Variants in CNTNAP2 observed in about 807,000 individuals in gnomAD.
The protein encoded by CNTNAP2 is contactin associated protein 2.
A neutral mutation model predicts 155.2 loss-of-function variants in CNTNAP2; 98 were observed. That is an observed-to-expected ratio of 0.63 (90% CI 0.54 to 0.75). The LOEUF is 0.75. Among genes scored for constraint, CNTNAP2 ranks in the 30% least tolerant of loss-of-function variants. The pLI is 0.00. For missense variants in CNTNAP2, 1,727 were observed against 1,688.1 expected (o/e 1.02, Z -0.40); for synonymous variants, 651 against 631.2 (o/e 1.03, Z -0.47).
intron 8 of CNTNAP2, among the ~76,000 whole-genome samples, chr7:147,201,092 A>G (rs554254178): frequency 6.6e-6 from 1 of 152,322 alleles, no homozygotes; most frequent in South Asian, 2.1e-4. Context: ...TAATTCTAAC[A>G]TGATTTCAGT....
chr7:147,195,971 A>T (rs898121073), intron 8 of CNTNAP2, among the ~76,000 whole-genome samples: 13 of 152,176 alleles, frequency 8.5e-5, no homozygotes, highest in African/African-American at 3.1e-4. Flanking sequence ...AGATTCTTTA[A>T]AGAGGTAATT....
intron 1 of CNTNAP2, among the ~76,000 whole-genome samples, chr7:146,194,801 G>A (rs549649708): frequency 2.6e-5 from 4 of 152,252 alleles, no homozygotes; most frequent in African/African-American, 9.6e-5. Context: ...ACCACAATCT[G>A]CTGTCTTTTC....
intron 21 of CNTNAP2, among the ~76,000 whole-genome samples, chr7:148,356,075 A>T (rs552491343): frequency 8.5e-5 from 13 of 152,246 alleles, no homozygotes; most frequent in Non-Finnish European, 1.6e-4. Context: ...ACACACACAT[A>T]GACTATAATG....
intron 8 of CNTNAP2, among the ~76,000 whole-genome samples, chr7:147,285,969 G>C (rs1180632583): frequency 6.6e-6 from 1 of 151,926 alleles, no homozygotes; most frequent in South Asian, 2.1e-4. Context: ...ACTCTGATTT[G>C]TAAAATATAG....
At chr7:148,316,842 A>T (rs1797698329) in intron 21 of CNTNAP2, among the ~76,000 whole-genome samples, 1 of 152,232 alleles carries the variant, frequency 6.6e-6, no homozygotes, top group South Asian at 2.1e-4. Flanking sequence ...TTAAAGACTC[A>T]GCGAGAAAAG....
intron 11 of CNTNAP2, among the ~76,000 whole-genome samples, chr7:147,533,150 C>A (rs189059323): frequency 3.9e-5 from 6 of 152,234 alleles, no homozygotes; most frequent in Admixed American, 3.9e-4. Flanking sequence ...AGCTGGAATT[C>A]AGTTTCTGTT....
rs10247303 is a variant in CNTNAP2 at position 147,028,282 on chromosome 7, A to G, written c.403-15625A>G. Among the ~76,000 whole-genome samples, 210 of 152,358 alleles carry G rather than the reference A, an allele frequency of 1.4e-3. 1 individual carries two copies. Among genetic ancestry groups the G allele is most frequent in the African/African-American group, 4.9e-3 (202 of 41,584 alleles). On this transcript the variant is annotated intron_variant, in intron 3 of 23. Coordinates refer to ENST00000361727, the MANE Select transcript of CNTNAP2 (RefSeq NM_014141.6). ...AGAAGAGAGATGGAAATGAGCTTCT[A>G]TCCTTGAAAGTTTGGATATGAAATT... is the stretch of plus-strand genomic sequence containing the variant.
chr7:146,993,573 C>G (rs1798249559), intron 3 of CNTNAP2, among the ~76,000 whole-genome samples: 2 of 152,178 alleles, frequency 1.3e-5, no homozygotes, highest in Admixed American at 1.3e-4. Flanking sequence ...AACCACCTGC[C>G]CATCACCTGA....
At chr7:148,188,483 G>A (rs547878934) in intron 18 of CNTNAP2, among the ~76,000 whole-genome samples, 1 of 152,308 alleles carries the variant, frequency 6.6e-6, no homozygotes, top group Non-Finnish European at 1.5e-5. Context: ...AAGCCTGTTA[G>A]TAACAGACTG....
chr7:147,269,949 C>A (rs1804703759), intron 8 of CNTNAP2, among the ~76,000 whole-genome samples: 1 of 152,086 alleles, frequency 6.6e-6, no homozygotes, highest in Admixed American at 6.5e-5. Flanking sequence ...ATAGTCCCAG[C>A]TATTCAGGAG....
At chr7:146,765,098 GT>G (rs1285379109) in intron 1 of CNTNAP2, among the ~76,000 whole-genome samples, 3 of 152,070 alleles carry the variant, frequency 2.0e-5, no homozygotes, top group Non-Finnish European at 4.4e-5. Flanking sequence ...AAAGTCTTAT[GT>G]TCTTTTTAAG....
intron 21 of CNTNAP2, among the ~76,000 whole-genome samples, chr7:148,281,480 T>C (rs1442712331): frequency 6.6e-6 from 1 of 152,226 alleles, no homozygotes. Flanking sequence ...ATTGAAGTGA[T>C]AGGTGAGAAA....
chr7:146,724,561 CTTTTTTTTT>C lies in CNTNAP2; in HGVS notation c.98-49690_98-49682del, dbSNP rs1000613503. On this transcript the variant is annotated intron_variant, in intron 1 of 23. Transcript: ENST00000361727. ...TTAGAAGCATGCTGTTAAATCTAAA[CTTTTTTTTT>C]TTTTTTTTTTTTTTTTTTTGAGACA... Among the ~76,000 whole-genome samples the C allele has an allele frequency of 5.9e-3, 388 of 65,638 alleles. 4 individuals are homozygous for C. Among genetic ancestry groups the C allele is most frequent in the African/African-American group, 0.022 (312 of 14,500 alleles). 43.1% of individuals were successfully genotyped at this position (65,638 alleles called of 152,430 possible).
intron 9 of CNTNAP2, among the ~76,000 whole-genome samples, chr7:147,376,366 G>A (rs1796433711): frequency 6.6e-6 from 1 of 151,880 alleles, no homozygotes; most frequent in Admixed American, 6.6e-5. Context: ...TGAGGGGAGG[G>A]ACCTAGCATT....
intron 1 of CNTNAP2, among the ~76,000 whole-genome samples, chr7:146,706,090 AG>A (rs2129174241): frequency 6.6e-6 from 1 of 152,232 alleles, no homozygotes; most frequent in East Asian, 1.9e-4. Flanking sequence ...TCTAGATGCC[AG>A]TAACACCCCT....
intron 1 of CNTNAP2, among the ~76,000 whole-genome samples, chr7:146,663,626 G>A (rs1376918993): frequency 6.6e-6 from 1 of 151,738 alleles, no homozygotes; most frequent in Non-Finnish European, 1.5e-5. Context: ...ATTTTTGTTT[G>A]TATTTTAAAC....
At chr7:148,282,656 A>T (rs1211891309) in intron 21 of CNTNAP2, among the ~76,000 whole-genome samples, 2 of 152,128 alleles carry the variant, frequency 1.3e-5, no homozygotes, top group Non-Finnish European at 2.9e-5. Flanking sequence ...AACAATGAAA[A>T]ACTGAAAAAA....
intron 1 of CNTNAP2, among the ~76,000 whole-genome samples, chr7:146,510,898 CT>C (rs1010829636): frequency 2.6e-5 from 4 of 151,790 alleles, no homozygotes; most frequent in African/African-American, 7.3e-5. Context: ...TTAGGTTTTT[CT>C]TTTTTCTTTG....
chr7:147,297,189 C>T (rs1794841602), intron 8 of CNTNAP2, among the ~76,000 whole-genome samples: 1 of 152,088 alleles, frequency 6.6e-6, no homozygotes, highest in Non-Finnish European at 1.5e-5. Flanking sequence ...ATTTTTATTG[C>T]TTTTTTATGT....
Sources: gnomAD v4.1 joint callset for allele counts (sites outside exome capture counted in the v4.1 genomes callset) on GRCh38, gnomAD v4.1.1 for gene constraint, MANE v1.5 for transcripts, NCBI Gene and HGNC (gene_info 2026-07-23, HGNC 2026-07-21) for gene names.